OSBPL1A: variants seen among roughly 807,000 people sequenced by gnomAD.
The protein encoded by OSBPL1A is oxysterol binding protein like 1A.
Under a neutral mutation model 137.1 loss-of-function variants are expected in OSBPL1A, and 80 were observed. That is an observed-to-expected ratio of 0.58 (90% CI 0.49 to 0.70). The LOEUF (loss-of-function observed/expected upper bound fraction) is 0.70, where lower values mean the gene tolerates loss of function less well. Among genes scored for constraint, OSBPL1A ranks in the 30% least tolerant of loss-of-function variants. OSBPL1A has a pLI of 0.00. For synonymous variants in OSBPL1A, 365 were observed against 389.7 expected (o/e 0.94, Z 0.75); for missense variants, 970 against 1,129.4 (o/e 0.86, Z 2.02).
chr18:24,194,583 T>C (rs144335723), intron 18 of OSBPL1A, among the ~76,000 whole-genome samples: 115 of 152,368 alleles, frequency 7.5e-4, no homozygotes, highest in Admixed American at 1.6e-3. Flanking sequence ...CTTTGTCCTG[T>C]TGAATCCTAA....
intron 1 of OSBPL1A, among the ~76,000 whole-genome samples, chr18:24,379,234 T>C (rs1906408345): frequency 2.0e-5 from 3 of 152,108 alleles, no homozygotes; most frequent in African/African-American, 7.2e-5. Flanking sequence ...AAAAGATGAA[T>C]GTTGGCCAGG....
Position 24,326,208 on chromosome 18 carries a change from G to C in OSBPL1A, c.625+6734C>G, listed in dbSNP as rs374305021. Among the ~76,000 whole-genome samples the C allele has an allele frequency of 2.6e-5, 4 of 152,208 alleles. No homozygotes were observed. The East Asian group carries it at 7.7e-4, about 29-fold the overall frequency. On this transcript the variant is annotated intron_variant, in intron 7 of 27. Transcript: ENST00000319481. ...TTCCATAAGGTGAGCCATGATGACT[G>C]TGCTTCTGGGGACAATGTGGAAAAG...
At chr18:24,307,056 A>C (rs1044442871) in intron 13 of OSBPL1A, among the ~76,000 whole-genome samples, 27 of 151,228 alleles carry the variant, frequency 1.8e-4, no homozygotes, top group Non-Finnish European at 7.4e-5. Context: ...CAGCATTTCG[A>C]GACCTTCCTT....
At chr18:24,254,436 C>A (rs1223886964) in intron 15 of OSBPL1A, among the ~76,000 whole-genome samples, 1 of 152,070 alleles carries the variant, frequency 6.6e-6, no homozygotes, top group Admixed American at 6.6e-5. Flanking sequence ...CAAAGATAGA[C>A]CATATGTTAG....
intron 4 of OSBPL1A, among the ~76,000 whole-genome samples, chr18:24,344,989 T>G (rs1265629014): frequency 1.3e-5 from 2 of 151,888 alleles, no homozygotes; most frequent in Non-Finnish European, 2.9e-5. Context: ...AATTTTTACA[T>G]TTTTTTGTAG....
chr18:24,163,235 T>G lies in OSBPL1A; in HGVS notation c.2797A>C (p.Ile933Leu), dbSNP rs1194807811. 6.2e-7 allele frequency: 1 copy of G among 1,613,726 alleles called. No homozygotes were observed. The highest frequency in any genetic ancestry group is 1.7e-5 in the Admixed American group (1 of 59,988). Residue 933 changes from isoleucine to leucine, a missense_variant, in exon 28 of 28, where the codon ATT becomes CTT. Ile to Leu is a conservative substitution (Grantham distance 5). Around this residue, in one of 2 missense-constraint regions of OSBPL1A, gnomAD observed 323 missense variants for 456.8 expected, o/e 0.71. Transcript: ENST00000319481. The part of the protein sequence containing the change: ...PNPYNGAQDW[I>L]YSGSYWDRNY... ...CTGTCCCAGTAGCTGCCAGAGTAAA[T>G]CCAGTCCTGTGCTCCATTGTAGGGA...
At chr18:24,344,964 C>A (rs2091321714) in intron 4 of OSBPL1A, among the ~76,000 whole-genome samples, 1 of 151,778 alleles carries the variant, frequency 6.6e-6, no homozygotes, top group Non-Finnish European at 1.5e-5. Context: ...CAGGCATGTG[C>A]CACCATGTCT....
chr18:24,304,806 T>C (rs1171181165), intron 13 of OSBPL1A, among the ~76,000 whole-genome samples: 1 of 152,234 alleles, frequency 6.6e-6, no homozygotes, highest in Non-Finnish European at 1.5e-5. Context: ...TTATTCATGT[T>C]ATCACATTAG....
At chr18:24,232,042 A>G (rs537248729) in intron 16 of OSBPL1A, among the ~76,000 whole-genome samples, 1 of 152,326 alleles carries the variant, frequency 6.6e-6, no homozygotes, top group South Asian at 2.1e-4. Context: ...CACATGCTTA[A>G]TTTAATACCT....
chr18:24,396,034 C>T (rs1300073912), intron 1 of OSBPL1A, among the ~76,000 whole-genome samples: 1 of 151,232 alleles, frequency 6.6e-6, no homozygotes, highest in Non-Finnish European at 1.5e-5. Context: ...GCCTGAACAA[C>T]ATGGTGAAAC....
intron 16 of OSBPL1A, among the ~76,000 whole-genome samples, chr18:24,235,768 G>C (rs1306651260): frequency 1.3e-5 from 2 of 152,200 alleles, no homozygotes; most frequent in African/African-American, 2.4e-5. Flanking sequence ...TCAGCACAAG[G>C]GCTTCCCCAA....
At chr18:24,317,858 G>A (rs1402298534) in intron 9 of OSBPL1A, among the ~76,000 whole-genome samples, 2 of 152,062 alleles carry the variant, frequency 1.3e-5, no homozygotes, top group Non-Finnish European at 2.9e-5. Flanking sequence ...CTAGAAAACA[G>A]GATTCTCCAA....
intron 14 of OSBPL1A, among the ~76,000 whole-genome samples, chr18:24,290,071 T>C (rs2090148269): frequency 6.6e-6 from 1 of 151,904 alleles, no homozygotes; most frequent in Non-Finnish European, 1.5e-5. Flanking sequence ...AAAAAAAGGC[T>C]ATATGTGTTT....
intron 13 of OSBPL1A, among the ~76,000 whole-genome samples, chr18:24,309,518 G>T (rs1337593438): frequency 6.6e-6 from 1 of 152,138 alleles, no homozygotes; most frequent in African/African-American, 2.4e-5. Context: ...TGTTAATTCA[G>T]ATGATTTTAG....
chr18:24,352,689 A>C (rs1306256795), intron 4 of OSBPL1A, among the ~76,000 whole-genome samples: 1 of 152,228 alleles, frequency 6.6e-6, no homozygotes, highest in Non-Finnish European at 1.5e-5. Context: ...CAGTAACCAA[A>C]ACAGCATGGT....
intron 27 of OSBPL1A, among the ~76,000 whole-genome samples, chr18:24,164,664 A>C (rs12606730): frequency 6.6e-6 from 1 of 151,584 alleles, no homozygotes; most frequent in Admixed American, 6.6e-5. Context: ...TCCTGACCTC[A>C]TGATCCGCCC....
At chr18:24,301,284 T>C (rs2090395787) in intron 14 of OSBPL1A, 1 of 152,236 alleles carries the variant, frequency 6.6e-6, no homozygotes, top group Non-Finnish European at 1.5e-5. Context: ...CTAATACAGA[T>C]ATACATACCA....
rs538050178 is a variant in OSBPL1A at position 24,188,393 on chromosome 18, T to C, written c.1678-7114A>G. Among the ~76,000 whole-genome samples the C allele has an allele frequency of 3.6e-3, 541 of 152,180 alleles. 10 individuals carry two copies. The highest frequency in any genetic ancestry group is 2.3e-3 in the Non-Finnish European group (158 of 68,008). On this transcript the variant is annotated intron_variant, in intron 18 of 27. Transcript: ENST00000319481. ...GGCTTGAAGCCAATGACAAAGAGGG[T>C]GGTGTGAACTCTGGAGACCAAGGCA...
chr18:24,377,097 G>A (rs1024652830), intron 2 of OSBPL1A, among the ~76,000 whole-genome samples: 2 of 152,260 alleles, frequency 1.3e-5, no homozygotes, highest in Non-Finnish European at 2.9e-5. Context: ...AGGCAGAGGA[G>A]GCCCGAAAGC....
Sources: allele counts gnomAD v4.1 joint callset (sites outside exome capture counted in the v4.1 genomes callset), GRCh38; gene constraint gnomAD v4.1.1; regional missense constraint gnomAD v4.1.1; transcripts MANE v1.5; gene names NCBI Gene and HGNC (gene_info 2026-07-23, HGNC 2026-07-21).